The following CDV3 variants were observed in gnomAD, a reference collection of about 807,000 sequenced individuals.
CDV3 encodes the protein CDV3 homolog.
CDV3 carries 14 observed loss-of-function variants against 24.5 expected under a neutral mutation model. That is an observed-to-expected ratio of 0.57 (90% CI 0.38 to 0.89). The LOEUF is 0.89. Ranked by LOEUF, CDV3 falls within the 40% of genes least tolerant of loss-of-function variation. The pLI, the probability that CDV3 is intolerant of heterozygous loss-of-function variation, is 0.00. For missense variants in CDV3, 304 were observed against 310.2 expected, an observed-to-expected ratio of 0.98 and a Z score of 0.15; for synonymous variants, 114 against 114.1, an observed-to-expected ratio of 1.00 and a Z score of 0.00.
intron 2 of CDV3, among the ~76,000 whole-genome samples, chr3:133,581,717 C>G (rs1933042464): frequency 6.6e-6 from 1 of 152,174 alleles, no homozygotes; most frequent in African/African-American, 2.4e-5. Flanking sequence ...AAGATAAAGT[C>G]ATACATTCTA....
At chr3:133,576,855 T>TTTTTTTTTTTTTC (rs2074832371) in intron 2 of CDV3, among the ~76,000 whole-genome samples, 1 of 133,764 alleles carries the variant, frequency 7.5e-6, no homozygotes, top group Non-Finnish European at 1.6e-5. Flanking sequence ...TTTTTTTTTT[T>TTTTTTTTTTTTTC]TTTTTTTTTG....
rs2074699659 is a variant in CDV3 at position 133,573,896 on chromosome 3, T to G, written c.-149T>G. On this transcript the variant is annotated 5_prime_UTR_variant, in exon 1 of 5. Coordinates refer to ENST00000264993, the MANE Select transcript of CDV3 (RefSeq NM_017548.5). ...CAGCACGCAGGGGGAGCCGCCCGTC[T>G]CGCCGCGCACGCCTCGGCGACCCCG... 1 of 492,620 alleles carries G rather than the reference T, an allele frequency of 2.0e-6. No homozygotes were observed. The highest frequency in any genetic ancestry group is 8.6e-5 in the South Asian group (1 of 11,632). 30.5% of individuals were successfully genotyped at this position (492,620 alleles called of 1,614,324 possible). A position where few individuals can be genotyped will look rare whatever the true frequency, so the allele number is the denominator to read the frequency against.
chr3:133,574,905 A>T, intron 1 of CDV3, 134 bp from the exon 2 acceptor site: 1 of 734,670 alleles, frequency 1.4e-6, no homozygotes, highest in East Asian at 2.8e-5. Flanking sequence ...AGAACGAAGC[A>T]AGGGCTTTGA....
intron 3 of CDV3, 140 bp downstream of exon 3, chr3:133,584,290 T>TA: frequency 1.8e-6 from 1 of 568,430 alleles, no homozygotes; most frequent in South Asian, 3.0e-5. Context: ...GGGATGTGTA[T>TA]ATATCTTGTT....
chr3:133,581,020 G>GT (rs748023632), intron 2 of CDV3, among the ~76,000 whole-genome samples: 3 of 151,508 alleles, frequency 2.0e-5, no homozygotes, highest in Non-Finnish European at 4.4e-5. Context: ...ACACTAGACA[G>GT]TAAAAAAAAA....
rs2107752639 is a variant in CDV3 at position 133,589,465 on chromosome 3, AC to A, written c.*1421del. 6.5e-6 allele frequency: 1 copy of A among 152,786 alleles called. No homozygotes were observed. Among genetic ancestry groups the A allele is most frequent in the Admixed American group, 6.5e-5 (1 of 15,302 alleles). 9.5% of individuals were successfully genotyped at this position (152,786 alleles called of 1,614,324 possible). On this transcript the variant is annotated 3_prime_UTR_variant, in exon 5 of 5. Transcript: ENST00000264993. ...TACCCAGGATTACAGAAGAGTGTCC[AC>A]CTAACAAGATGGTCTGGCAGTTTCC...
Position 133,575,012 on chromosome 3 carries a change from A to G in CDV3, c.241-27A>G, listed in dbSNP as rs184211658. The G allele has an allele frequency of 2.1e-6, 3 of 1,429,038 alleles. No individual in the cohort carries two copies. The Admixed American group carries it at 5.1e-5, about 24-fold the overall frequency. 88.5% of individuals were successfully genotyped at this position (1,429,038 alleles called of 1,614,324 possible). On this transcript the variant is annotated intron_variant, in intron 1 of 4. Coordinates refer to ENST00000264993, the MANE Select transcript of CDV3 (RefSeq NM_017548.5). ...AGTTATATGTCTACAAATAGCTTTAATTGATCAAATGGCGTTTGTTTTACA... is the reference window on the plus strand; with the variant it reads ...AGTTATATGTCTACAAATAGCTTTAGTTGATCAAATGGCGTTTGTTTTACA...
intron 2 of CDV3, among the ~76,000 whole-genome samples, chr3:133,576,623 A>G (rs2074817289): frequency 6.6e-6 from 1 of 152,132 alleles, no homozygotes; most frequent in Admixed American, 6.5e-5. Context: ...GATTTTGTTA[A>G]ACTATGGAGA....
intron 2 of CDV3, among the ~76,000 whole-genome samples, chr3:133,581,857 G>C (rs1404993170): frequency 6.6e-6 from 1 of 152,156 alleles, no homozygotes; most frequent in Non-Finnish European, 1.5e-5. Flanking sequence ...TGTCAGCATA[G>C]GGTTTACATT....
rs773081898 is a variant in CDV3 at position 133,586,737 on chromosome 3, T to TA, written c.626+17dup. On this transcript the variant is annotated intron_variant, in intron 4 of 4. Coordinates refer to ENST00000264993, the MANE Select transcript of CDV3 (RefSeq NM_017548.5). ...GAAAGCCGGAAGTAAGTACTATAATTAATTGCATTTTGTTTGGGACTTCTG... is the reference window on the plus strand; with the variant it reads ...GAAAGCCGGAAGTAAGTACTATAATTAAATTGCATTTTGTTTGGGACTTCTG... 6.5e-7 allele frequency: 1 copy of TA among 1,536,300 alleles called. No individual in the cohort carries two copies. Among genetic ancestry groups the TA allele is most frequent in the South Asian group, 1.1e-5 (1 of 89,476 alleles).
Position 133,588,531 on chromosome 3 carries a change from T to C in CDV3, c.*485T>C. On this transcript the variant is annotated 3_prime_UTR_variant, in exon 5 of 5. Coordinates refer to ENST00000264993, the MANE Select transcript of CDV3 (RefSeq NM_017548.5). ...CATAAAAAGTCAGCCATCTGGGTTC[T>C]GATCTGCTGTAAAAGATGAAGATTT... 4 of 683,800 alleles carry C rather than the reference T, an allele frequency of 5.8e-6. No homozygotes were observed. The Admixed American group carries it at 1.1e-4, about 18-fold the overall frequency. 42.4% of individuals were successfully genotyped at this position (683,800 alleles called of 1,614,324 possible).
intron 4 of CDV3, chr3:133,587,633 TTTC>T (rs1168160810): frequency 3.1e-5 from 36 of 1,170,866 alleles, no homozygotes; most frequent in Admixed American, 1.7e-4. Flanking sequence ...TTTTAACAGT[TTTC>T]TTCAAGTTTG....
chr3:133,575,767 AT>A (rs1327966774), intron 2 of CDV3, among the ~76,000 whole-genome samples: 3 of 152,230 alleles, frequency 2.0e-5, no homozygotes, highest in African/African-American at 7.2e-5. Context: ...ATTTTTAAAA[AT>A]TGGGTAGTTT....
At position 133,574,202 on chromosome 3, in the gene CDV3, G is replaced by C. The variant is rs1395141137; in HGVS notation, c.158G>C (p.Gly53Ala). Residue 53 changes from glycine (G) to alanine (A), a missense_variant, in exon 1 of 5, where the codon GGC becomes GCC. Gly to Ala is a moderately conservative substitution (Grantham distance 60). This residue lies in a region of CDV3 where 219 missense variants were observed against 203.6 expected (regional missense o/e 1.08). Coordinates refer to ENST00000264993, the MANE Select transcript of CDV3 (RefSeq NM_017548.5). Reference protein sequence around the residue: ...GAAGAAGGGAGAGTRPGDGGT... With the variant: ...GAAGAAGGGAAAGTRPGDGGT... Reference sequence around the variant, plus strand: ...GCGGGTGCGGCGGGCGGCGGGGCGGGCGCGGGGACCCGGCCGGGTGACGGC... The same window carrying C: ...GCGGGTGCGGCGGGCGGCGGGGCGGCCGCGGGGACCCGGCCGGGTGACGGC... The C allele has an allele frequency of 9.8e-7, 1 of 1,015,898 alleles. No homozygotes were observed. The highest frequency in any genetic ancestry group is 1.2e-6 in the Non-Finnish European group (1 of 854,458). The allele number at this position is 1,015,898 out of a possible 1,614,324, so 62.9% of individuals were successfully genotyped here. A position where few individuals can be genotyped will look rare whatever the true frequency, so the allele number is the denominator to read the frequency against.
At chr3:133,578,322 C>T (rs188185643) in intron 2 of CDV3, among the ~76,000 whole-genome samples, 61 of 152,314 alleles carry the variant, frequency 4.0e-4, no homozygotes, top group African/African-American at 1.4e-3. Context: ...AGATTTAATT[C>T]TTGAAGGTAT....
At chr3:133,584,755 G>T (rs1225123216) in intron 3 of CDV3, among the ~76,000 whole-genome samples, 1 of 152,074 alleles carries the variant, frequency 6.6e-6, no homozygotes, top group African/African-American at 2.4e-5. Flanking sequence ...CATTCTCAAG[G>T]TGGTAAAAGT....
At position 133,587,891 on chromosome 3, in the gene CDV3, C is replaced by T; in HGVS notation, c.627-5C>T. 1.3e-6 allele frequency: 2 copies of T among 1,596,780 alleles called. No homozygotes were observed. The highest frequency in any genetic ancestry group is 1.7e-6 in the Non-Finnish European group (2 of 1,172,602). On this transcript the variant is annotated splice_region_variant and splice_polypyrimidine_tract_variant and intron_variant, in intron 4 of 4. Transcript: ENST00000264993. ...TATTTACTGATTACATTTCTTTTCCCTTAGGGATAAAGAAATGGAGAAGAG... is the reference window on the plus strand; with the variant it reads ...TATTTACTGATTACATTTCTTTTCCTTTAGGGATAAAGAAATGGAGAAGAG...
At chr3:133,576,193 A>T (rs1175095901) in intron 2 of CDV3, among the ~76,000 whole-genome samples, 2 of 152,224 alleles carry the variant, frequency 1.3e-5, no homozygotes, top group African/African-American at 4.8e-5. Context: ...TGTGAGCTTA[A>T]CCAAAGTGAA....
rs1484833664 is a variant in CDV3, at chr3:133,590,076, C to A, written c.*2030C>A. The A allele has an allele frequency of 6.6e-6, 1 of 152,144 alleles. No individual in the cohort carries two copies. The highest frequency in any genetic ancestry group is 2.4e-5 in the African/African-American group (1 of 41,428). 9.4% of individuals were successfully genotyped at this position (152,144 alleles called of 1,614,324 possible). On this transcript the variant is annotated 3_prime_UTR_variant, in exon 5 of 5. Coordinates refer to ENST00000264993, the MANE Select transcript of CDV3 (RefSeq NM_017548.5). ...GAAGACCTGCAGCAGATTTAAATTA[C>A]AACTCTTGTTATAACTTTTTAAAAG...
Sources: allele counts gnomAD v4.1 joint callset (sites outside exome capture counted in the v4.1 genomes callset), GRCh38; gene constraint gnomAD v4.1.1; regional missense constraint gnomAD v4.1.1; transcripts MANE v1.5; gene names NCBI Gene and HGNC (gene_info 2026-07-23, HGNC 2026-07-21).